The following CALN1 variants were observed in gnomAD, a reference collection of about 807,000 sequenced individuals.
The protein encoded by CALN1 is calcium-binding protein 8.
A neutral mutation model predicts 30.6 loss-of-function variants in CALN1; 17 were observed. The ratio of observed to expected loss-of-function variants is 0.56; its 90% CI spans 0.38 to 0.83. The LOEUF (loss-of-function observed/expected upper bound fraction) is 0.83. Ranked by LOEUF, CALN1 falls within the 40% of genes least tolerant of loss-of-function variation. CALN1 has a pLI of 0.00. For missense variants in CALN1, 291 were observed against 354.9 expected, an observed-to-expected ratio of 0.82 and a Z score of 1.45; for synonymous variants, 156 against 131.4, an observed-to-expected ratio of 1.19 and a Z score of -1.28.
In CALN1 at chr7:71,972,872, C is replaced by T. The variant is rs190666300; in HGVS notation, c.501+50785G>A. Among the ~76,000 whole-genome samples the T allele has an allele frequency of 6.6e-5, 10 of 152,186 alleles. No individual in the cohort carries two copies. The East Asian group carries it at 9.7e-4, about 15-fold the overall frequency. On this transcript the variant is annotated intron_variant, in intron 5 of 6. Transcript: ENST00000395275. The stretch of plus-strand genomic sequence containing the variant: ...CGTGTGGGCAGAGTGTGATCTCTTG[C>T]GATCTTTTGTTTGTTCCCCATATTT...
At chr7:72,036,853 A>AT (rs58023130) in intron 4 of CALN1, among the ~76,000 whole-genome samples, 16,299 of 143,536 alleles carry the variant, frequency 0.11, 1,312 homozygotes, top group East Asian at 0.25. Context: ...ATGCTTTGTG[A>AT]TTTTTTTTTT....
At chr7:72,356,414 G>C (rs1170735958) in intron 2 of CALN1, among the ~76,000 whole-genome samples, 1 of 151,942 alleles carries the variant, frequency 6.6e-6, no homozygotes, top group African/African-American at 2.4e-5. Context: ...CAGAGTTAAA[G>C]TGTTCTAAGG....
chr7:72,461,929 G>A, the CALN1 span, among the ~76,000 whole-genome samples: 2 of 151,934 alleles, frequency 1.3e-5, no homozygotes, highest in African/African-American at 2.4e-5. Flanking sequence ...AATTGCTTGA[G>A]CCCGGGAGGT....
chr7:72,308,423 G>T (rs923989654), intron 2 of CALN1, among the ~76,000 whole-genome samples: 1 of 141,040 alleles, frequency 7.1e-6, no homozygotes, highest in Non-Finnish European at 1.5e-5. Context: ...AGGAAAGAAA[G>T]AAGAAATCCA....
chr7:72,082,593 C>G (rs1305425854), intron 4 of CALN1, among the ~76,000 whole-genome samples: 1 of 152,186 alleles, frequency 6.6e-6, no homozygotes, highest in Non-Finnish European at 1.5e-5. Context: ...CAGCATGGTT[C>G]AGAAAGCTTG....
intron 5 of CALN1, among the ~76,000 whole-genome samples, chr7:71,953,914 G>A (rs1796826241): frequency 1.3e-5 from 2 of 152,202 alleles, no homozygotes; most frequent in South Asian, 2.1e-4. Flanking sequence ...CAGGCAAGGT[G>A]GGGTTGGTGG....
At chr7:72,312,729 G>A (rs1442011317) in intron 2 of CALN1, among the ~76,000 whole-genome samples, 1 of 151,906 alleles carries the variant, frequency 6.6e-6, no homozygotes, top group Non-Finnish European at 1.5e-5. Context: ...AAAGATTTGG[G>A]ACAACTAGAA....
At chr7:72,310,907 T>TAA (rs5884884) in intron 2 of CALN1, among the ~76,000 whole-genome samples, 10 of 113,722 alleles carry the variant, frequency 8.8e-5, no homozygotes, top group African/African-American at 3.1e-4. Context: ...GACTCCGTCT[T>TAA]AAAAAAAAAA....
At chr7:72,375,699 C>T (rs2129560542) in intron 2 of CALN1, among the ~76,000 whole-genome samples, 1 of 152,140 alleles carries the variant, frequency 6.6e-6, no homozygotes, top group East Asian at 1.9e-4. Context: ...CCAGGCTGGT[C>T]TTGAACTCCT....
chr7:72,114,390 G>C (rs1807818887), intron 3 of CALN1, among the ~76,000 whole-genome samples: 1 of 150,582 alleles, frequency 6.6e-6, no homozygotes, highest in Non-Finnish European at 1.5e-5. Context: ...AGGGAAGTGA[G>C]GTTTGGCCAC....
At chr7:72,168,000 G>A (rs780216707) in intron 3 of CALN1, among the ~76,000 whole-genome samples, 1 of 152,170 alleles carries the variant, frequency 6.6e-6, no homozygotes, top group African/African-American at 2.4e-5. Flanking sequence ...TTATACAGTA[G>A]CTGTGAACTT....
intron 4 of CALN1, among the ~76,000 whole-genome samples, chr7:72,090,796 A>T (rs10265103): frequency 0.25 from 38,065 of 152,040 alleles, 5,010 homozygotes; most frequent in Middle Eastern, 0.29. Context: ...ACTGGAAGAC[A>T]CTATGTTAAG....
intron 1 of CALN1, among the ~76,000 whole-genome samples, chr7:72,437,872 C>CTTCT (rs1808224099): frequency 7.1e-6 from 1 of 140,548 alleles, no homozygotes. Context: ...TCTTTTCTTC[C>CTTCT]TTCTTTCTTT....
At chr7:72,049,978 CT>C (rs879538070) in intron 4 of CALN1, among the ~76,000 whole-genome samples, 155 of 143,198 alleles carry the variant, frequency 1.1e-3, no homozygotes, top group Middle Eastern at 3.7e-3. Context: ...CCTGGCTATA[CT>C]TTTTTTTTTT....
chr7:71,920,082 A>T (rs1794862446), intron 5 of CALN1, among the ~76,000 whole-genome samples: 1 of 152,212 alleles, frequency 6.6e-6, no homozygotes, highest in Non-Finnish European at 1.5e-5. Flanking sequence ...GTCTTGCAAT[A>T]AAACAAGCTG....
chr7:72,314,976 C>T (rs1800339623), intron 2 of CALN1, among the ~76,000 whole-genome samples: 1 of 130,918 alleles, frequency 7.6e-6, no homozygotes, highest in Non-Finnish European at 1.6e-5. Flanking sequence ...TGAGACCCAT[C>T]TCTACAAAAA....
the CALN1 span, among the ~76,000 whole-genome samples, chr7:72,490,971 G>T: frequency 6.0e-4 from 92 of 152,298 alleles, no homozygotes; most frequent in African/African-American, 2.1e-3. Flanking sequence ...AAGGCCGGGC[G>T]CGGTGGCTCA....
intron 5 of CALN1, among the ~76,000 whole-genome samples, chr7:71,982,693 G>C (rs988983040): frequency 6.6e-6 from 1 of 152,202 alleles, no homozygotes; most frequent in African/African-American, 2.4e-5. Context: ...TAGGAGTTAA[G>C]AAGAAATGAT....
chr7:72,399,334 G>A (rs996829505), intron 2 of CALN1, among the ~76,000 whole-genome samples: 2 of 144,608 alleles, frequency 1.4e-5, no homozygotes, highest in African/African-American at 2.6e-5. Flanking sequence ...GCAGTGGCGC[G>A]ATCTTGGCTC....
Sources: allele counts gnomAD v4.1 joint callset (sites outside exome capture counted in the v4.1 genomes callset), GRCh38; gene constraint gnomAD v4.1.1; transcripts MANE v1.5; gene names NCBI Gene and HGNC (gene_info 2026-07-23, HGNC 2026-07-21).